Variants in RYR3 observed in about 807,000 individuals in gnomAD.
The protein encoded by RYR3 is brain ryanodine receptor-calcium release channel.
Under a neutral mutation model 584.3 loss-of-function variants are expected in RYR3, and 207 were observed. The ratio of observed to expected loss-of-function variants is 0.35; its 90% CI spans 0.32 to 0.40. The LOEUF (loss-of-function observed/expected upper bound fraction) is 0.40. RYR3 is among the 10% of genes least tolerant of loss of function. RYR3 has a pLI of 1.00. For missense variants in RYR3, 5,616 were observed against 6,089.2 expected (o/e 0.92, Z 2.59); for synonymous variants, 2,416 against 2,248.5 (o/e 1.07, Z -2.11).
Position 33,357,148 on chromosome 15 carries a change from C to G in RYR3, c.51+46052C>G, listed in dbSNP as rs1567086879. 2.6e-5 allele frequency among the ~76,000 whole-genome samples: 4 copies of G among 152,090 alleles called. No homozygotes were observed. In the South Asian group the frequency reaches 8.3e-4, roughly 32 times the overall value. On this transcript the variant is annotated intron_variant, in intron 1 of 103. Coordinates refer to ENST00000634891, the MANE Select transcript of RYR3 (RefSeq NM_001036.6). Reference sequence around the variant, plus strand: ...TGTGGTGTTTGCAGCAAACAGAAGTCTAAAAATTTTGAAGGAGGGCCCAGC... The same window carrying G: ...TGTGGTGTTTGCAGCAAACAGAAGTGTAAAAATTTTGAAGGAGGGCCCAGC...
chr15:33,411,899 C>A (rs1180852826), intron 1 of RYR3, among the ~76,000 whole-genome samples: 1 of 152,178 alleles, frequency 6.6e-6, no homozygotes, highest in East Asian at 1.9e-4. Flanking sequence ...TCTAGCCTAT[C>A]TTTCCTGTGT....
At chr15:33,518,404 T>C (rs777880633) in intron 3 of RYR3, among the ~76,000 whole-genome samples, 4 of 152,196 alleles carry the variant, frequency 2.6e-5, no homozygotes, top group Non-Finnish European at 5.9e-5. Context: ...TTATTAATTT[T>C]GTGGAGTTGT....
intron 2 of RYR3, among the ~76,000 whole-genome samples, chr15:33,476,797 G>A (rs1168361520): frequency 6.6e-6 from 1 of 152,162 alleles, no homozygotes; most frequent in African/African-American, 2.4e-5. Flanking sequence ...GTAGCATGAG[G>A]GAAGTGCGCC....
At chr15:33,794,598 T>C (rs34424248) in intron 67 of RYR3, among the ~76,000 whole-genome samples, 87,576 of 151,664 alleles carry the variant, frequency 0.58, 27,399 homozygotes, top group East Asian at 0.96. Context: ...CAAGACAGAG[T>C]ATGTTGTACT....
In RYR3 at chr15:33,429,782, A is replaced by G. The variant is rs943379630; in HGVS notation, c.52-43637A>G. Among the ~76,000 whole-genome samples, 10 of 152,384 alleles carry G rather than the reference A, an allele frequency of 6.6e-5. No individual in the cohort carries two copies. In the South Asian group the frequency reaches 1.7e-3, roughly 25 times the overall value. On this transcript the variant is annotated intron_variant, in intron 1 of 103. Transcript: ENST00000634891. ...AATGAATAATTTAGGAAGCTCATCT[A>G]AGTGACTGGGTAGCACTGACAGTTG...
At chr15:33,663,879 C>G in intron 36 of RYR3, 142 bp downstream of exon 36, 1 of 686,958 alleles carries the variant, frequency 1.5e-6, no homozygotes, top group Non-Finnish European at 2.5e-6. Context: ...TACCAGGAGA[C>G]AGGCCTAGTC....
chr15:33,687,824 A>G (rs560091246), intron 38 of RYR3, among the ~76,000 whole-genome samples: 47 of 152,356 alleles, frequency 3.1e-4, no homozygotes, highest in African/African-American at 1.1e-3. Flanking sequence ...AGGATTCCCT[A>G]TTTAATAAAT....
Position 33,631,192 on chromosome 15 carries a change from C to G in RYR3, c.2784-18C>G, listed in dbSNP as rs772687609. ...ACACTGCAGTTAACCTTAGTCTTCT[C>G]CTTCTGTTGTGTCACAGAACCCTCT... On this transcript the variant is annotated intron_variant, in intron 22 of 103. Coordinates refer to ENST00000634891, the MANE Select transcript of RYR3 (RefSeq NM_001036.6). 4 of 1,508,792 alleles carry G rather than the reference C, an allele frequency of 2.7e-6. No individual in the cohort carries two copies. Among genetic ancestry groups the G allele is most frequent in the Non-Finnish European group, 3.6e-6 (4 of 1,103,634 alleles). The allele number at this position is 1,508,792 out of a possible 1,614,324, so 93.5% of individuals were successfully genotyped here. A position where few individuals can be genotyped will look rare whatever the true frequency, so the allele number is the denominator to read the frequency against.
At chr15:33,687,345 C>A (rs1596157289) in intron 38 of RYR3, among the ~76,000 whole-genome samples, 2 of 152,262 alleles carry the variant, frequency 1.3e-5, no homozygotes, top group African/African-American at 4.8e-5. Flanking sequence ...ACCTAGGAAT[C>A]CAACTTACAA....
intron 1 of RYR3, among the ~76,000 whole-genome samples, chr15:33,463,806 T>C (rs2048234552): frequency 6.6e-6 from 1 of 152,086 alleles, no homozygotes; most frequent in African/African-American, 2.4e-5. Flanking sequence ...TGGGAAAAGT[T>C]GTAAAGAGGA....
At chr15:33,554,244 C>T (rs4780123) in intron 10 of RYR3, among the ~76,000 whole-genome samples, 107,354 of 150,996 alleles carry the variant, frequency 0.71, 39,803 homozygotes, top group Middle Eastern at 0.86. Flanking sequence ...TCAGTGTGGT[C>T]ATACCTTGAA....
At chr15:33,638,014 C>T (rs185029395) in intron 27 of RYR3, among the ~76,000 whole-genome samples, 1 of 152,242 alleles carries the variant, frequency 6.6e-6, no homozygotes, top group East Asian at 1.9e-4. Context: ...CATGTGTTCT[C>T]ATCCTTTCAA....
intron 1 of RYR3, among the ~76,000 whole-genome samples, chr15:33,426,164 G>A (rs1393313708): frequency 2.0e-5 from 3 of 152,184 alleles, no homozygotes; most frequent in African/African-American, 7.2e-5. Context: ...TCTTTGTAAA[G>A]TAGATGTAAA....
chr15:33,764,909 T>A (rs1338680291), intron 60 of RYR3, among the ~76,000 whole-genome samples: 1 of 150,878 alleles, frequency 6.6e-6, no homozygotes, highest in Non-Finnish European at 1.5e-5. Context: ...CACGTGCCTG[T>A]AATCCCAGCT....
chr15:33,805,901 C>T (rs2076182123), intron 69 of RYR3, among the ~76,000 whole-genome samples: 1 of 151,906 alleles, frequency 6.6e-6, no homozygotes, highest in Non-Finnish European at 1.5e-5. Context: ...CTCTTCTTCT[C>T]CTCTCCCCCT....
At chr15:33,593,266 G>GT (rs139170815) in intron 16 of RYR3, among the ~76,000 whole-genome samples, 36,734 of 151,844 alleles carry the variant, frequency 0.24, 4,825 homozygotes, top group Admixed American at 0.31. Context: ...CCACTTTTCT[G>GT]TTTTTTTAAT....
At chr15:33,527,715 T>G (rs186604088) in intron 3 of RYR3, among the ~76,000 whole-genome samples, 183 of 152,328 alleles carry the variant, frequency 1.2e-3, no homozygotes, top group Middle Eastern at 3.4e-3. Context: ...TGTACTTGTA[T>G]TTTAAGTATG....
intron 9 of RYR3, among the ~76,000 whole-genome samples, chr15:33,549,819 T>A (rs2056539482): frequency 6.6e-6 from 1 of 152,170 alleles, no homozygotes; most frequent in African/African-American, 2.4e-5. Flanking sequence ...CAGAAACAAG[T>A]TTCCATTCAA....
Position 33,613,373 on chromosome 15 carries a change from C to T in RYR3, c.2355C>T (p.Val785=), listed in dbSNP as rs2060290465. 17 of 1,595,120 alleles carry T rather than the reference C, an allele frequency of 1.1e-5. No individual in the cohort carries two copies. The highest frequency in any genetic ancestry group is 1.3e-5 in the Non-Finnish European group (15 of 1,169,578). Residue 785 remains valine, a splice_region_variant and synonymous_variant, in exon 19 of 104, where the codon GTC becomes GTT. Transcript: ENST00000634891. ...CTGTGATGAGCTTTTCAGCAGGTGT[C>T]AAGTAAGTTATGGCTGTGATTTCAT... is the stretch of plus-strand genomic sequence containing the variant. ...FFPVMSFSAG[V]KVRFLMGGRH...
Sources: allele counts gnomAD v4.1 joint callset (sites outside exome capture counted in the v4.1 genomes callset), GRCh38; gene constraint gnomAD v4.1.1; transcripts MANE v1.5; gene names NCBI Gene and HGNC (gene_info 2026-07-23, HGNC 2026-07-21).